The following OTUD7A variants were observed in gnomAD, a reference collection of about 807,000 sequenced individuals.
OTUD7A encodes OTU domain-containing protein 7A.
OTUD7A carries 12 observed loss-of-function variants against 65.7 expected under a neutral mutation model. The observed-to-expected ratio is 0.18, with a 90% CI of 0.12 to 0.30. The LOEUF (loss-of-function observed/expected upper bound fraction) is 0.30. OTUD7A is among the 10% of genes least tolerant of loss of function. The pLI, the probability that OTUD7A is intolerant of heterozygous loss-of-function variation, is 1.00. For synonymous variants in OTUD7A, 641 were observed against 586.3 expected, an observed-to-expected ratio of 1.09 and a Z score of -1.35; for missense variants, 1,148 against 1,304.8, an observed-to-expected ratio of 0.88 and a Z score of 1.85.
intron 1 of OTUD7A, among the ~76,000 whole-genome samples, chr15:31,815,212 G>A (rs1896516852): frequency 1.3e-5 from 2 of 152,118 alleles, no homozygotes; most frequent in African/African-American, 4.8e-5. Flanking sequence ...CCCCTGCCAG[G>A]ACGTTTGTGC....
At chr15:31,669,608 C>A (rs556499768) in intron 1 of OTUD7A, among the ~76,000 whole-genome samples, 25 of 152,326 alleles carry the variant, frequency 1.6e-4, no homozygotes, top group African/African-American at 5.3e-4. Context: ...GGTTCTACCC[C>A]CGCCTGTGGA....
intron 1 of OTUD7A, among the ~76,000 whole-genome samples, chr15:31,754,357 G>A (rs1894750419): frequency 6.6e-6 from 1 of 152,130 alleles, no homozygotes; most frequent in African/African-American, 2.4e-5. Context: ...AAGCTCTTTG[G>A]TTTAATTAAG....
At chr15:31,628,125 T>C (rs1189019545) in intron 3 of OTUD7A, among the ~76,000 whole-genome samples, 2 of 152,240 alleles carry the variant, frequency 1.3e-5, no homozygotes, top group African/African-American at 2.4e-5. Context: ...TGTTGGCTTT[T>C]GTTGCCATTG....
intron 3 of OTUD7A, among the ~76,000 whole-genome samples, chr15:31,616,697 C>A (rs1013999978): frequency 1.8e-4 from 27 of 152,258 alleles, no homozygotes; most frequent in Middle Eastern, 3.4e-3. Flanking sequence ...ACAACCACCA[C>A]TGTGCCTGGC....
At position 31,564,387 on chromosome 15, in the gene OTUD7A, G is replaced by GTTTTTTTTTTTTTTT. The variant is rs398026753; in HGVS notation, c.332-5201_332-5200insAAAAAAAAAAAAAAA. 5.7e-4 allele frequency among the ~76,000 whole-genome samples: 68 copies of GTTTTTTTTTTTTTTT among 119,892 alleles called. 2 individuals carry two copies. Among genetic ancestry groups the GTTTTTTTTTTTTTTT allele is most frequent in the Non-Finnish European group, 8.4e-4 (45 of 53,678 alleles). The allele number at this position is 119,892 out of a possible 152,430, so 78.7% of individuals were successfully genotyped here. ...TTTTTGGAAGTAGTCTTTGAGGAAG[G>GTTTTTTTTTTTTTTT]TTTTTTTTTTTTTAGCAAAAGAGAA... is the stretch of plus-strand genomic sequence containing the variant. On this transcript the variant is annotated intron_variant, in intron 4 of 12. Transcript: ENST00000307050.
chr15:31,481,099 T>C lies in OTUD7A; in HGVS notation c.*2195A>G, dbSNP rs1484365032. ...TTTTAAATTAGACAAACCTGGCAGA[T>C]AGCGTGAGAAAGAAAATATCTGAAT... On this transcript the variant is annotated 3_prime_UTR_variant, in exon 13 of 13. Coordinates refer to ENST00000307050, the MANE Select transcript of OTUD7A (RefSeq NM_001382637.1). 2 of 152,354 alleles carry C rather than the reference T, an allele frequency of 1.3e-5. No individual in the cohort carries two copies. The highest frequency in any genetic ancestry group is 2.1e-4 in the South Asian group (1 of 4,824). The allele number at this position is 152,354 out of a possible 1,614,324, so 9.4% of individuals were successfully genotyped here.
intron 1 of OTUD7A, among the ~76,000 whole-genome samples, chr15:31,709,086 G>A (rs1277782822): frequency 6.6e-6 from 1 of 151,428 alleles, no homozygotes; most frequent in African/African-American, 2.5e-5. Context: ...CAGAGAGGGA[G>A]AGAAAACACA....
intron 3 of OTUD7A, among the ~76,000 whole-genome samples, chr15:31,619,175 C>T (rs553230769): frequency 2.6e-5 from 4 of 152,134 alleles, no homozygotes; most frequent in South Asian, 2.1e-4. Flanking sequence ...TTGGTTACTG[C>T]AACCTTGTAG....
rs560515592 is a variant in OTUD7A at position 31,669,802 on chromosome 15, A to G, written c.-99-12725T>C. 8.5e-5 allele frequency among the ~76,000 whole-genome samples: 13 copies of G among 152,068 alleles called. No individual in the cohort carries two copies. In the South Asian group the frequency reaches 2.5e-3, roughly 29 times the overall value. ...GCAGGAATGGCCTGCTTGGGGACCC[A>G]GGGAGCTCCCAGGGCCTTTCCCACT... On this transcript the variant is annotated intron_variant, in intron 1 of 12. Coordinates refer to ENST00000307050, the MANE Select transcript of OTUD7A (RefSeq NM_001382637.1).
intron 3 of OTUD7A, among the ~76,000 whole-genome samples, chr15:31,599,134 C>T (rs1889999531): frequency 6.6e-6 from 1 of 152,244 alleles, no homozygotes; most frequent in Admixed American, 6.5e-5. Context: ...AGTGGACCTC[C>T]CAGCACAGCG....
At position 31,510,865 on chromosome 15, in the gene OTUD7A, T is replaced by C. The variant is rs1402619265; in HGVS notation, c.894-7047A>G. Among the ~76,000 whole-genome samples, 21 of 45,860 alleles carry C rather than the reference T, an allele frequency of 4.6e-4. 8 individuals are homozygous for C. Among genetic ancestry groups the C allele is most frequent in the African/African-American group, 2.6e-3 (21 of 8,018 alleles). The allele number at this position is 45,860 out of a possible 152,430, so 30.1% of individuals were successfully genotyped here. ...TGTATATCTATATGTAACATATATG[T>C]ATATCTATATGTAACATATATGTAT... On this transcript the variant is annotated intron_variant, in intron 8 of 12. Coordinates refer to ENST00000307050, the MANE Select transcript of OTUD7A (RefSeq NM_001382637.1).
At chr15:31,638,493 C>T (rs1002833907) in intron 3 of OTUD7A, among the ~76,000 whole-genome samples, 46 of 151,224 alleles carry the variant, frequency 3.0e-4, no homozygotes, top group African/African-American at 1.1e-3. Flanking sequence ...AATCCTCCCA[C>T]CTCAGCCTCC....
chr15:31,752,372 G>A (rs1419167512), intron 1 of OTUD7A, among the ~76,000 whole-genome samples: 1 of 152,156 alleles, frequency 6.6e-6, no homozygotes, highest in Admixed American at 6.5e-5. Flanking sequence ...ATTTTAGTAG[G>A]TTTTTCAAAT....
intron 1 of OTUD7A, among the ~76,000 whole-genome samples, chr15:31,715,045 A>T (rs1169572835): frequency 6.6e-6 from 1 of 152,080 alleles, no homozygotes; most frequent in South Asian, 2.1e-4. Context: ...CTGAGGTAGG[A>T]GAATTGCTTG....
intron 3 of OTUD7A, among the ~76,000 whole-genome samples, chr15:31,625,374 C>T (rs1445668241): frequency 6.7e-6 from 1 of 150,374 alleles, no homozygotes; most frequent in Non-Finnish European, 1.5e-5. Flanking sequence ...ATGACTAGTA[C>T]ACCACAATAT....
chr15:31,623,037 C>A (rs548073181), intron 3 of OTUD7A, among the ~76,000 whole-genome samples: 2 of 152,338 alleles, frequency 1.3e-5, no homozygotes, highest in South Asian at 2.1e-4. Context: ...CACTCCAGAA[C>A]CTGTTTGCCT....
At chr15:31,536,649 C>G (rs1887812408) in intron 5 of OTUD7A, among the ~76,000 whole-genome samples, 2 of 151,624 alleles carry the variant, frequency 1.3e-5, no homozygotes, top group Admixed American at 6.5e-5. Flanking sequence ...CAGGAGAATA[C>G]TATTCAGCTA....
At chr15:31,784,025 TGA>T (rs1397674874) in intron 1 of OTUD7A, among the ~76,000 whole-genome samples, 7 of 152,218 alleles carry the variant, frequency 4.6e-5, no homozygotes, top group African/African-American at 1.7e-4. Flanking sequence ...TGTGATTTTC[TGA>T]GAGTGTGTAA....
chr15:31,629,264 C>A (rs552887656), intron 3 of OTUD7A, among the ~76,000 whole-genome samples: 6 of 152,192 alleles, frequency 3.9e-5, no homozygotes, highest in African/African-American at 9.6e-5. Flanking sequence ...TGAGATATGT[C>A]CAATCAATAC....
Sources: gnomAD v4.1 joint callset for allele counts (sites outside exome capture counted in the v4.1 genomes callset) on GRCh38, gnomAD v4.1.1 for gene constraint, MANE v1.5 for transcripts, NCBI Gene and HGNC (gene_info 2026-07-23, HGNC 2026-07-21) for gene names.